Variants in WDR93 observed in about 807,000 individuals in gnomAD.
The protein encoded by WDR93 is WD repeat domain 93.
In WDR93, 73 loss-of-function variants were observed where a neutral mutation model predicts 82.9. The observed-to-expected ratio is 0.88, with a 90% confidence interval of 0.73 to 1.07. The LOEUF is 1.07. Among genes scored for constraint, WDR93 ranks in the 50% least tolerant of loss-of-function variants. The pLI, the probability that WDR93 is intolerant of heterozygous loss-of-function variation, is 0.00. For missense variants in WDR93, 738 were observed against 826.0 expected (o/e 0.89, Z 1.31); for synonymous variants, 283 against 300.1 (o/e 0.94, Z 0.59).
intron 6 of WDR93, among the ~76,000 whole-genome samples, chr15:89,715,835 C>A (rs566046570): frequency 6.6e-6 from 1 of 152,292 alleles, no homozygotes; most frequent in Non-Finnish European, 1.5e-5. Context: ...GTGCCCGCCT[C>A]GGCCTCCCAA....
chr15:89,724,168 A>C (rs1966636887), intron 8 of WDR93, among the ~76,000 whole-genome samples: 1 of 126,250 alleles, frequency 7.9e-6, no homozygotes, highest in Non-Finnish European at 1.8e-5. Context: ...GAGAAACCCC[A>C]TCTCCACAAA....
At chr15:89,742,517 T>C (rs781094666) in intron 16 of WDR93, among the ~76,000 whole-genome samples, 1 of 152,152 alleles carries the variant, frequency 6.6e-6, no homozygotes, top group Non-Finnish European at 1.5e-5. Context: ...ACTTATTATT[T>C]TTTTTTAAAC....
At chr15:89,729,236 C>G (rs1469767042) in intron 10 of WDR93, 143 bp downstream of exon 10, 1 of 747,974 alleles carries the variant, frequency 1.3e-6, no homozygotes, top group African/African-American at 1.7e-5. Flanking sequence ...CAGCTGTAGC[C>G]TGTCAGTTTC....
In WDR93 at chr15:89,733,214, T is replaced by C; in HGVS notation, c.1539T>C (p.Val513=). 1 of 1,613,430 alleles carries C rather than the reference T, an allele frequency of 6.2e-7. No individual in the cohort carries two copies. Among genetic ancestry groups the C allele is most frequent in the Non-Finnish European group, 8.5e-7 (1 of 1,179,484 alleles). ...GTQGPTISVL[V]ERPVKHLDKT... ...AAGGACCCACCATCAGTGTGCTTGT[T>C]GAGAGGTCAGTAGCTTGAGGGTGGG... is the stretch of plus-strand genomic sequence containing the variant. The change falls in exon 13 of 17, where the codon GTT becomes GTC. Residue 513 remains valine (V), a synonymous_variant. Transcript: ENST00000268130.
intron 7 of WDR93, among the ~76,000 whole-genome samples, chr15:89,718,280 C>G (rs971457513): frequency 6.6e-6 from 1 of 152,156 alleles, no homozygotes; most frequent in Admixed American, 6.6e-5. Flanking sequence ...TTGAGACCAG[C>G]CTGACCAACA....
intron 1 of WDR93, among the ~76,000 whole-genome samples, chr15:89,692,512 A>G (rs1964946348): frequency 6.6e-6 from 1 of 152,242 alleles, no homozygotes; most frequent in Non-Finnish European, 1.5e-5. Context: ...GTAATAGGTT[A>G]ACAAGGAACA....
chr15:89,731,971 C>A (rs1966863957), intron 12 of WDR93, among the ~76,000 whole-genome samples: 1 of 152,180 alleles, frequency 6.6e-6, no homozygotes, highest in African/African-American at 2.4e-5. Flanking sequence ...CATCCCCAGT[C>A]AGCGCAAACT....
chr15:89,735,662 G>A, intron 14 of WDR93, 109 bp downstream of exon 14: 1 of 1,108,950 alleles, frequency 9.0e-7, no homozygotes, highest in South Asian at 1.3e-5. Context: ...TTATGTGTTA[G>A]GCACTGGACT....
At chr15:89,707,656 T>C (rs1206705694) in intron 4 of WDR93, among the ~76,000 whole-genome samples, 1 of 151,960 alleles carries the variant, frequency 6.6e-6, no homozygotes, top group African/African-American at 2.4e-5. Flanking sequence ...ATACCAAGTG[T>C]TGGCAAAGAT....
intron 1 of WDR93, among the ~76,000 whole-genome samples, chr15:89,691,950 T>A (rs1964911215): frequency 1.3e-5 from 2 of 152,210 alleles, no homozygotes. Flanking sequence ...GCCAGGTTCA[T>A]CTTCAGAATC....
upstream of WDR93, chr15:89,690,765 G>A: frequency 3.4e-6 from 2 of 592,594 alleles, no homozygotes; most frequent in Non-Finnish European, 5.8e-6. Flanking sequence ...CGCCCCAGAG[G>A]GGGCGGGCAC....
At chr15:89,724,604 A>G (rs975149361) in intron 8 of WDR93, among the ~76,000 whole-genome samples, 1 of 152,210 alleles carries the variant, frequency 6.6e-6, no homozygotes, top group Non-Finnish European at 1.5e-5. Flanking sequence ...GAATTACTAC[A>G]GATTCTTAAG....
At chr15:89,717,367 T>A (rs1178476049) in intron 7 of WDR93, among the ~76,000 whole-genome samples, 1 of 152,138 alleles carries the variant, frequency 6.6e-6, no homozygotes, top group Non-Finnish European at 1.5e-5. Context: ...GCCCAAGATT[T>A]TGATTTTTAC....
intron 1 of WDR93, among the ~76,000 whole-genome samples, chr15:89,695,927 G>C (rs888629206): frequency 6.8e-6 from 1 of 146,100 alleles, no homozygotes; most frequent in African/African-American, 2.5e-5. Flanking sequence ...AGCGATTATT[G>C]GTCCTCAGCC....
intron 8 of WDR93, among the ~76,000 whole-genome samples, chr15:89,724,180 A>AAT (rs1386030594): frequency 6.6e-6 from 1 of 151,826 alleles, no homozygotes; most frequent in Non-Finnish European, 1.5e-5. Flanking sequence ...CTCCACAAAA[A>AAT]AAAATACAAA....
At chr15:89,720,775 T>C (rs1966492957) in intron 7 of WDR93, among the ~76,000 whole-genome samples, 3 of 152,242 alleles carry the variant, frequency 2.0e-5, no homozygotes, top group South Asian at 2.1e-4. Flanking sequence ...TAAGTGTTTA[T>C]ATGTACTTGA....
intron 10 of WDR93, 151 bp from the exon 11 acceptor site, chr15:89,729,532 A>G (rs980839386): frequency 3.1e-6 from 2 of 636,872 alleles, no homozygotes; most frequent in Non-Finnish European, 5.5e-6. Flanking sequence ...TGGGAAACTC[A>G]CCCTTCTCTT....
intron 8 of WDR93, among the ~76,000 whole-genome samples, chr15:89,724,815 T>G (rs1432957008): frequency 6.6e-6 from 1 of 152,144 alleles, no homozygotes. Context: ...CCACACCAAG[T>G]GATGGTGAAG....
At chr15:89,727,845 G>A (rs1219965873) in intron 9 of WDR93, among the ~76,000 whole-genome samples, 3 of 152,024 alleles carry the variant, frequency 2.0e-5, no homozygotes, top group African/African-American at 7.3e-5. Context: ...CACTTTGAGA[G>A]TCTGAGGCAT....
Sources: allele counts gnomAD v4.1 joint callset (sites outside exome capture counted in the v4.1 genomes callset), GRCh38; gene constraint gnomAD v4.1.1; transcripts MANE v1.5; gene names NCBI Gene and HGNC (gene_info 2026-07-23, HGNC 2026-07-21).